The following FRMD4A variants were observed in gnomAD, a reference collection of about 807,000 sequenced individuals.
FRMD4A encodes FERM domain-containing protein 4A.
In FRMD4A, 29 loss-of-function variants were observed where a neutral mutation model predicts 129.1. That is an observed-to-expected ratio of 0.22 (90% CI 0.17 to 0.31). The LOEUF (loss-of-function observed/expected upper bound fraction) is 0.31. Among genes scored for constraint, FRMD4A ranks in the 10% least tolerant of loss-of-function variants. The pLI is 1.00. For missense variants in FRMD4A, 1,272 were observed against 1,375.8 expected (o/e 0.92, Z 1.19); for synonymous variants, 634 against 571.6 (o/e 1.11, Z -1.56).
chr10:14,245,180 C>A (rs1479320518), intron 2 of FRMD4A, among the ~76,000 whole-genome samples: 1 of 152,154 alleles, frequency 6.6e-6, no homozygotes, highest in Non-Finnish European at 1.5e-5. Flanking sequence ...AAGCCATGGA[C>A]CTTTCTTAGG....
intron 2 of FRMD4A, among the ~76,000 whole-genome samples, chr10:14,193,988 G>A (rs1454287455): frequency 6.6e-6 from 1 of 152,046 alleles, no homozygotes; most frequent in Non-Finnish European, 1.5e-5. Context: ...ATTCCATGAA[G>A]ATCAGACTTT....
intron 5 of FRMD4A, among the ~76,000 whole-genome samples, chr10:13,787,584 C>T (rs2092899153): frequency 6.6e-6 from 1 of 152,048 alleles, no homozygotes; most frequent in Admixed American, 6.5e-5. Flanking sequence ...TCTAAGCCTC[C>T]CAGATAGCTG....
chr10:14,061,240 G>A (rs962118049), intron 2 of FRMD4A, among the ~76,000 whole-genome samples: 4 of 152,026 alleles, frequency 2.6e-5, no homozygotes, highest in African/African-American at 7.3e-5. Flanking sequence ...GAGGTCAGGA[G>A]TTCAAGACCA....
chr10:14,102,543 G>A (rs1263127186), intron 2 of FRMD4A, among the ~76,000 whole-genome samples: 10 of 152,058 alleles, frequency 6.6e-5, no homozygotes, highest in African/African-American at 2.4e-4. Flanking sequence ...GGACACAGAG[G>A]GCCGAGAACC....
At chr10:14,159,555 C>G (rs11815838) in intron 2 of FRMD4A, among the ~76,000 whole-genome samples, 15 of 152,074 alleles carry the variant, frequency 9.9e-5, no homozygotes, top group African/African-American at 3.6e-4. Flanking sequence ...ATGCTACTAC[C>G]CAAAGCAATC....
At chr10:14,096,567 A>C (rs747110112) in intron 2 of FRMD4A, among the ~76,000 whole-genome samples, 1 of 152,216 alleles carries the variant, frequency 6.6e-6, no homozygotes, top group Non-Finnish European at 1.5e-5. Flanking sequence ...GCAAATAAGT[A>C]AGTTTTTCAA....
At chr10:13,655,231 C>T (rs2082039734) in intron 22 of FRMD4A, 1 of 152,222 alleles carries the variant, frequency 6.6e-6, no homozygotes, top group African/African-American at 2.4e-5. Flanking sequence ...TACAGCTTAA[C>T]AATTTTAGTC....
chr10:13,654,278 C>T, intron 23 of FRMD4A, 138 bp downstream of exon 23: 1 of 693,484 alleles, frequency 1.4e-6, no homozygotes, highest in Non-Finnish European at 2.6e-6. Flanking sequence ...GATCATGGGG[C>T]TTCTCTTGAA....
intron 22 of FRMD4A, chr10:13,655,493 G>C (rs969575030): frequency 6.6e-6 from 1 of 152,202 alleles, no homozygotes; most frequent in African/African-American, 2.4e-5. Flanking sequence ...GAAGTCCACG[G>C]AACACCCACC....
chr10:14,168,805 A>C (rs1308819727), intron 2 of FRMD4A, among the ~76,000 whole-genome samples: 2 of 152,206 alleles, frequency 1.3e-5, no homozygotes, highest in African/African-American at 4.8e-5. Flanking sequence ...ACTGAGGCTC[A>C]AAAAAGGTAC....
At chr10:13,774,809 A>T (rs1354144182) in intron 6 of FRMD4A, among the ~76,000 whole-genome samples, 1 of 152,134 alleles carries the variant, frequency 6.6e-6, no homozygotes, top group African/African-American at 2.4e-5. Context: ...AATAAACTGG[A>T]AAAAAAGAGC....
chr10:14,071,275 G>C (rs1048262894), intron 2 of FRMD4A, among the ~76,000 whole-genome samples: 2 of 152,198 alleles, frequency 1.3e-5, no homozygotes, highest in African/African-American at 2.4e-5. Context: ...TTCTCTAAGA[G>C]ACCAAGATTA....
intron 2 of FRMD4A, among the ~76,000 whole-genome samples, chr10:14,021,009 C>A (rs181918343): frequency 6.6e-6 from 1 of 152,264 alleles, no homozygotes; most frequent in Admixed American, 6.5e-5. Flanking sequence ...CTCTATGTCA[C>A]CTCTTCTGAA....
chr10:13,663,648 G>A, intron 18 of FRMD4A, 139 bp from the exon 19 acceptor site: 2 of 631,430 alleles, frequency 3.2e-6, no homozygotes, highest in Non-Finnish European at 5.8e-6. Context: ...CAATAAAAAT[G>A]CTGTTGGGTG....
chr10:14,221,357 G>A (rs1248395445), intron 2 of FRMD4A, among the ~76,000 whole-genome samples: 1 of 152,150 alleles, frequency 6.6e-6, no homozygotes, highest in Non-Finnish European at 1.5e-5. Context: ...AGCATTGGTG[G>A]AGATGTGGCC....
intron 2 of FRMD4A, among the ~76,000 whole-genome samples, chr10:13,872,939 G>T (rs2131090808): frequency 6.6e-6 from 1 of 152,266 alleles, no homozygotes; most frequent in African/African-American, 2.4e-5. Flanking sequence ...ACTTTGGGAG[G>T]CGGAGGGGGG....
chr10:13,931,775 T>TAAAAA lies in FRMD4A; in HGVS notation c.46-72868_46-72864dup, dbSNP rs59824238. On this transcript the variant is annotated intron_variant, in intron 2 of 24. Transcript: ENST00000357447. ...CAACATGGCAAAATCTCATCTTTAC[T>TAAAAA]AAAAAAAAAAAAAAAAAATAGAAAA... Among the ~76,000 whole-genome samples, 636 of 129,238 alleles carry TAAAAA rather than the reference T, an allele frequency of 4.9e-3. 9 individuals are homozygous for TAAAAA. Among genetic ancestry groups the TAAAAA allele is most frequent in the African/African-American group, 8.7e-3 (295 of 33,848 alleles). 84.8% of individuals were successfully genotyped at this position (129,238 alleles called of 152,430 possible). A position where few individuals can be genotyped will look rare whatever the true frequency, so the allele number is the denominator to read the frequency against.
intron 2 of FRMD4A, among the ~76,000 whole-genome samples, chr10:13,877,115 T>C (rs1302401239): frequency 1.3e-5 from 2 of 152,188 alleles, no homozygotes; most frequent in Admixed American, 6.5e-5. Context: ...ATAGTCATAA[T>C]CTCCATTGCC....
At chr10:14,210,543 A>C (rs922969084) in intron 2 of FRMD4A, among the ~76,000 whole-genome samples, 1 of 152,096 alleles carries the variant, frequency 6.6e-6, no homozygotes, top group Admixed American at 6.5e-5. Flanking sequence ...AAACTCAACC[A>C]CACAGCATGG....
Sources: gnomAD v4.1 joint callset for allele counts (sites outside exome capture counted in the v4.1 genomes callset) on GRCh38, gnomAD v4.1.1 for gene constraint, MANE v1.5 for transcripts, NCBI Gene and HGNC (gene_info 2026-07-23, HGNC 2026-07-21) for gene names.